The following THSD7B variants were observed in gnomAD, a reference collection of about 807,000 sequenced individuals.
THSD7B encodes the protein thrombospondin type 1 domain containing 7B, also known as thrombospondin type-1 domain-containing protein 7B.
A neutral mutation model predicts 213.6 loss-of-function variants in THSD7B; 138 were observed. That is an observed-to-expected ratio of 0.65 (90% confidence interval 0.56 to 0.74). The LOEUF is 0.74. Among genes scored for constraint, THSD7B ranks in the 30% least tolerant of loss-of-function variants. THSD7B has a pLI of 0.00. For missense variants in THSD7B, 1,931 were observed against 1,991.5 expected (o/e 0.97, Z 0.58); for synonymous variants, 742 against 687.0 (o/e 1.08, Z -1.25).
intron 3 of THSD7B, among the ~76,000 whole-genome samples, chr2:137,091,187 A>G (rs1214165581): frequency 9.9e-5 from 15 of 152,222 alleles, no homozygotes; most frequent in Non-Finnish European, 2.2e-4. Flanking sequence ...CTCCCTGCAC[A>G]TGCTCTTACT....
In THSD7B at chr2:137,614,346, G is replaced by T. The variant is rs13399902; in HGVS notation, c.3424-1829G>T. ...AAGGTTTAGAGTATATAAGTGAATT[G>T]TTCAAGGTTACATAGTAATTTGATT... On this transcript the variant is annotated intron_variant, in intron 17 of 27. Coordinates refer to ENST00000409968, the MANE Select transcript of THSD7B (RefSeq NM_001316349.2). 3.9e-3 allele frequency among the ~76,000 whole-genome samples: 599 copies of T among 152,180 alleles called. 9 individuals carry two copies. The highest frequency in any genetic ancestry group is 0.014 in the African/African-American group (566 of 41,544).
Position 137,294,632 on chromosome 2 carries a change from A to G in THSD7B, c.2500+18606A>G, listed in dbSNP as rs184116066. On this transcript the variant is annotated intron_variant, in intron 12 of 27. Transcript: ENST00000409968. ...AAGGGAGAGAGACCACATTCATATAATTTTATTATAGTATATTATTAAAAT... is the reference window on the plus strand; with the variant it reads ...AAGGGAGAGAGACCACATTCATATAGTTTTATTATAGTATATTATTAAAAT... Among the ~76,000 whole-genome samples the G allele has an allele frequency of 6.6e-5, 10 of 150,578 alleles. No individual in the cohort carries two copies. In the East Asian group the frequency reaches 1.9e-3, roughly 29 times the overall value.
At chr2:137,529,445 G>A (rs1680354831) in intron 15 of THSD7B, among the ~76,000 whole-genome samples, 1 of 151,880 alleles carries the variant, frequency 6.6e-6, no homozygotes, top group Admixed American at 6.6e-5. Context: ...AAAGATAAAG[G>A]CTTTAGTGCA....
chr2:136,770,341 A>G (rs1295327416), intron 1 of THSD7B, among the ~76,000 whole-genome samples: 4 of 152,152 alleles, frequency 2.6e-5, no homozygotes, highest in African/African-American at 7.2e-5. Flanking sequence ...GCTCTCCTCT[A>G]TTGATTTTTG....
chr2:136,964,835 T>C (rs1685286010), intron 2 of THSD7B, among the ~76,000 whole-genome samples: 1 of 152,004 alleles, frequency 6.6e-6, no homozygotes, highest in Admixed American at 6.6e-5. Flanking sequence ...ACTGTGTCTC[T>C]ACTAAAAATA....
intron 15 of THSD7B, among the ~76,000 whole-genome samples, chr2:137,551,185 A>G (rs1329029206): frequency 1.3e-5 from 2 of 152,070 alleles, no homozygotes; most frequent in Non-Finnish European, 2.9e-5. Flanking sequence ...ATGCATATAT[A>G]AGCAGCAGTG....
At chr2:137,128,899 A>G (rs958019235) in intron 5 of THSD7B, among the ~76,000 whole-genome samples, 1 of 152,186 alleles carries the variant, frequency 6.6e-6, no homozygotes, top group Admixed American at 6.5e-5. Context: ...TTTCCAATGA[A>G]AAGAACTTTA....
At chr2:137,646,051 A>G (rs747945430) in intron 21 of THSD7B, among the ~76,000 whole-genome samples, 5 of 152,178 alleles carry the variant, frequency 3.3e-5, no homozygotes, top group African/African-American at 4.8e-5. Context: ...GGACAGTTTC[A>G]TAACAGGCAT....
intron 5 of THSD7B, among the ~76,000 whole-genome samples, chr2:137,144,548 A>G (rs1024938728): frequency 1.3e-5 from 2 of 152,004 alleles, no homozygotes; most frequent in Non-Finnish European, 2.9e-5. Context: ...TCTTATTTAA[A>G]TATCTACATA....
chr2:137,128,448 T>G (rs1301180686), intron 5 of THSD7B, among the ~76,000 whole-genome samples: 1 of 152,306 alleles, frequency 6.6e-6, no homozygotes, highest in South Asian at 2.1e-4. Flanking sequence ...ACATATTACT[T>G]TCTGGGTTCC....
intron 12 of THSD7B, among the ~76,000 whole-genome samples, chr2:137,395,663 T>G (rs1686162806): frequency 6.6e-6 from 1 of 152,242 alleles, no homozygotes; most frequent in African/African-American, 2.4e-5. Flanking sequence ...GGTATCAGAA[T>G]GATGCTGGCC....
At chr2:137,151,798 G>A (rs1679824219) in intron 5 of THSD7B, among the ~76,000 whole-genome samples, 2 of 152,106 alleles carry the variant, frequency 1.3e-5, no homozygotes, top group South Asian at 2.1e-4. Flanking sequence ...TGTAAATAAT[G>A]CATTGATTGC....
intron 1 of THSD7B, among the ~76,000 whole-genome samples, chr2:136,803,359 T>A (rs946343952): frequency 6.6e-6 from 1 of 152,094 alleles, no homozygotes; most frequent in Admixed American, 6.6e-5. Flanking sequence ...CCAGGAAGCA[T>A]ATTATGATTG....
intron 17 of THSD7B, among the ~76,000 whole-genome samples, chr2:137,607,973 T>TA (rs1371197280): frequency 1.3e-5 from 2 of 152,096 alleles, no homozygotes; most frequent in Non-Finnish European, 2.9e-5. Context: ...CTCTTTGCAG[T>TA]AGGCCAGCAA....
intron 3 of THSD7B, among the ~76,000 whole-genome samples, chr2:137,072,418 G>A (rs1253361281): frequency 6.6e-6 from 1 of 151,744 alleles, no homozygotes; most frequent in East Asian, 1.9e-4. Context: ...TGTTATTGGT[G>A]TATAAGAATG....
intron 3 of THSD7B, among the ~76,000 whole-genome samples, chr2:137,057,945 T>G (rs539534071): frequency 2.2e-4 from 33 of 152,366 alleles, no homozygotes; most frequent in Non-Finnish European, 3.7e-4. Flanking sequence ...GAAAGTAGTA[T>G]TTGTTTAATT....
intron 12 of THSD7B, among the ~76,000 whole-genome samples, chr2:137,296,143 G>T (rs143038699): frequency 6.6e-6 from 1 of 152,166 alleles, no homozygotes; most frequent in Middle Eastern, 3.4e-3. Flanking sequence ...ATTCCATATT[G>T]CAAATTTCTT....
Position 137,554,919 on chromosome 2 carries a change from G to C in THSD7B, c.3139-8302G>C, listed in dbSNP as rs756451135. 7.2e-4 allele frequency among the ~76,000 whole-genome samples: 110 copies of C among 152,292 alleles called. 2 individuals are homozygous for C. Among genetic ancestry groups the C allele is most frequent in the Middle Eastern group, 3.4e-3 (1 of 294 alleles). ...TTATGTCCCGACCCAGGCTCGGAGG[G>C]TCCCATGCTCAGGGAGCCCCGCTCA... On this transcript the variant is annotated intron_variant, in intron 15 of 27. Coordinates refer to ENST00000409968, the MANE Select transcript of THSD7B (RefSeq NM_001316349.2).
At chr2:137,364,617 T>G (rs1462363842) in intron 12 of THSD7B, among the ~76,000 whole-genome samples, 1 of 152,082 alleles carries the variant, frequency 6.6e-6, no homozygotes, top group Non-Finnish European at 1.5e-5. Context: ...GAGAGCCAAA[T>G]CATGAGTAAT....
Sources: gnomAD v4.1 joint callset for allele counts (sites outside exome capture counted in the v4.1 genomes callset) on GRCh38, gnomAD v4.1.1 for gene constraint, MANE v1.5 for transcripts, NCBI Gene and HGNC (gene_info 2026-07-23, HGNC 2026-07-21) for gene names.